Variants in MAPK6 observed in about 807,000 individuals in gnomAD.
MAPK6 encodes the protein ERK-3.
MAPK6 carries 19 observed loss-of-function variants against 59.3 expected under a neutral mutation model. The ratio of observed to expected loss-of-function variants is 0.32; its 90% confidence interval spans 0.22 to 0.47. The LOEUF (loss-of-function observed/expected upper bound fraction) is 0.47, where lower values mean the gene tolerates loss of function less well. Among genes scored for constraint, MAPK6 ranks in the 20% least tolerant of loss-of-function variants. The pLI is 1.00. For missense variants in MAPK6, 724 were observed against 847.9 expected (o/e 0.85, Z 1.81); for synonymous variants, 316 against 290.3 (o/e 1.09, Z -0.90).
At chr15:51,979,590 T>G (rs1244354760) in intron 1 of MAPK6, among the ~76,000 whole-genome samples, 6 of 151,254 alleles carry the variant, frequency 4.0e-5, no homozygotes, top group African/African-American at 1.5e-4. Flanking sequence ...CTTAGGAGTT[T>G]GAGACCAACT....
Position 51,976,572 on chromosome 15 carries a change from A to G in MAPK6, c.-880+4666A>G, listed in dbSNP as rs527275677. ...TTTCTAGAGAGAAAAATCTGCTGGC[A>G]TATGAAGAATCTGGAATTAAAATGT... On this transcript the variant is annotated intron_variant, in intron 1 of 7. Coordinates refer to the MAPK6 transcript ENST00000691380. Among the ~76,000 whole-genome samples, 3 of 152,006 alleles carry G rather than the reference A, an allele frequency of 2.0e-5. 1 individual carries two copies. In the South Asian group the frequency reaches 6.2e-4, roughly 31 times the overall value.
At chr15:52,016,074 A>ACACG (rs1287223362), upstream of MAPK6, among the ~76,000 whole-genome samples, 1 of 78,888 alleles carries the variant, frequency 1.3e-5, no homozygotes, top group Non-Finnish European at 2.7e-5. Context: ...GCGCGCGCAC[A>ACACG]CACACACACA....
chr15:52,015,919 G>A (rs192192562), upstream of MAPK6, among the ~76,000 whole-genome samples: 24 of 4,600 alleles, frequency 5.2e-3, no homozygotes, highest in South Asian at 0.38. Context: ...TTAGTTGGGC[G>A]TGGTGGCGCG....
chr15:52,016,066 GCGCGCACACA>G (rs1302948491), upstream of MAPK6, among the ~76,000 whole-genome samples: 6 of 44,398 alleles, frequency 1.4e-4, no homozygotes, highest in Admixed American at 5.0e-4. Flanking sequence ...GCGCGCGCGC[GCGCGCACACA>G]CACACACACA....
At chr15:52,055,887 ATAAT>A (rs2031963019) in intron 3 of MAPK6, among the ~76,000 whole-genome samples, 1 of 152,248 alleles carries the variant, frequency 6.6e-6, no homozygotes, top group Non-Finnish European at 1.5e-5. Context: ...AGGAATAAAA[ATAAT>A]TGGATTTGTT....
chr15:52,000,765 A>T (rs995984099), intron 2 of MAPK6, among the ~76,000 whole-genome samples: 1 of 151,716 alleles, frequency 6.6e-6, no homozygotes, highest in African/African-American at 2.4e-5. Context: ...ACGCCACTGC[A>T]CTCCAGCTTG....
intron 1 of MAPK6, among the ~76,000 whole-genome samples, chr15:51,976,110 TA>T (rs2057156538): frequency 1.3e-5 from 2 of 148,808 alleles, no homozygotes; most frequent in Non-Finnish European, 3.0e-5. Context: ...ACTAAAAATA[TA>T]AAAAATTTGC....
At position 52,007,052 on chromosome 15, in the gene MAPK6, G is replaced by A. The variant is rs545283050; in HGVS notation, c.-632+2650G>A. ...AGCTTGACTTTGAGACTATAGAACTGTGACCTACGACATTGTTTCTATGGG... is the reference window on the plus strand; with the variant it reads ...AGCTTGACTTTGAGACTATAGAACTATGACCTACGACATTGTTTCTATGGG... On this transcript the variant is annotated intron_variant, in intron 3 of 7. Coordinates refer to the MAPK6 transcript ENST00000691380. 3.3e-5 allele frequency among the ~76,000 whole-genome samples: 5 copies of A among 152,314 alleles called. No homozygotes were observed. The South Asian group carries it at 6.2e-4, about 19-fold the overall frequency.
intron 2 of MAPK6, among the ~76,000 whole-genome samples, chr15:51,985,340 C>A (rs1225513078): frequency 6.6e-6 from 1 of 151,764 alleles, no homozygotes; most frequent in East Asian, 1.9e-4. Context: ...GAGACCCCAT[C>A]TTTAATAAAT....
intron 3 of MAPK6, 89 bp downstream of exon 3, chr15:52,050,226 A>G: frequency 8.3e-7 from 1 of 1,200,312 alleles, no homozygotes; most frequent in Non-Finnish European, 1.2e-6. Context: ...GATTTAAAAT[A>G]ATTTGTTATG....
intron 2 of MAPK6, among the ~76,000 whole-genome samples, chr15:51,995,091 G>GTCCA (rs1422104990): frequency 2.6e-5 from 4 of 152,216 alleles, no homozygotes; most frequent in Non-Finnish European, 4.4e-5. Flanking sequence ...AGAGTTTAGT[G>GTCCA]TCCAGGATGT....
At chr15:52,043,479 G>A (rs980449364) in intron 1 of MAPK6, among the ~76,000 whole-genome samples, 1 of 151,796 alleles carries the variant, frequency 6.6e-6, no homozygotes. Flanking sequence ...TGTATTTTTA[G>A]TAGAGACGGG....
rs891764843 is a variant in MAPK6 at position 52,064,001 on chromosome 15, T to C, written c.1167T>C (p.Thr389=). ...QLDPRALSDV[T]DEEEVQVDPR... is the part of the protein sequence containing the mutation. The stretch of plus-strand genomic sequence containing the variant: ...ATCCAAGAGCTCTGTCCGATGTCAC[T>C]GATGAAGAAGAAGTACAAGTTGATC... Residue 389 remains threonine (T), a synonymous_variant, in exon 6 of 6, where the codon ACT becomes ACC. Transcript: ENST00000261845. 9 of 1,613,682 alleles carry C rather than the reference T, an allele frequency of 5.6e-6. No homozygotes were observed. The highest frequency in any genetic ancestry group is 2.2e-5 in the South Asian group (2 of 91,052).
intron 1 of MAPK6, among the ~76,000 whole-genome samples, chr15:52,039,923 T>C (rs570196460): frequency 2.6e-4 from 40 of 152,350 alleles, no homozygotes; most frequent in Non-Finnish European, 5.3e-4. Context: ...TTTCAGACTT[T>C]GGCATTTTAG....
At chr15:52,008,071 T>C (rs2029950788) in intron 3 of MAPK6, among the ~76,000 whole-genome samples, 1 of 152,154 alleles carries the variant, frequency 6.6e-6, no homozygotes, top group South Asian at 2.1e-4. Flanking sequence ...GGTCTCAAAC[T>C]CCTGACCTCA....
intron 2 of MAPK6, among the ~76,000 whole-genome samples, chr15:52,001,636 G>C (rs2057242300): frequency 6.6e-6 from 1 of 151,328 alleles, no homozygotes; most frequent in South Asian, 2.1e-4. Context: ...AGCCTCCTGA[G>C]TAGCTAGGAC....
At chr15:51,974,729 C>T (rs997043815) in intron 1 of MAPK6, among the ~76,000 whole-genome samples, 1 of 150,318 alleles carries the variant, frequency 6.7e-6, no homozygotes, top group Non-Finnish European at 1.5e-5. Flanking sequence ...CTTTTTTCCC[C>T]CCCCGCAAGA....
chr15:52,014,703 TAA>T (rs796259080), upstream of MAPK6, among the ~76,000 whole-genome samples: 12 of 119,380 alleles, frequency 1.0e-4, no homozygotes, highest in Admixed American at 1.7e-4. Context: ...TGAGATTTTC[TAA>T]AAAAAAAAAA....
At chr15:52,051,869 C>CAA (rs779400629) in intron 3 of MAPK6, among the ~76,000 whole-genome samples, 1,785 of 84,226 alleles carry the variant, frequency 0.021, 18 homozygotes, top group African/African-American at 0.037. Flanking sequence ...GACTCTGTCT[C>CAA]AAAAAAAAAA....
Sources: gnomAD v4.1 joint callset for allele counts (sites outside exome capture counted in the v4.1 genomes callset) on GRCh38, gnomAD v4.1.1 for gene constraint, MANE v1.5 for transcripts, NCBI Gene and HGNC (gene_info 2026-07-23, HGNC 2026-07-21) for gene names.